Variants in MCTP2 observed in about 807,000 individuals in gnomAD.
MCTP2 encodes multiple C2 and transmembrane domain containing 2, also known as multiple C2 and transmembrane domain-containing protein 2.
A neutral mutation model predicts 111.6 loss-of-function variants in MCTP2; 132 were observed. The ratio of observed to expected loss-of-function variants is 1.18; its 90% CI spans 1.03 to 1.37. The LOEUF is 1.37. Among genes scored for constraint, MCTP2 ranks in the 40% most tolerant of loss-of-function variants. The pLI is 0.00. For missense variants in MCTP2, 1,183 were observed against 1,067.9 expected (o/e 1.11, Z -1.50); for synonymous variants, 395 against 387.7 (o/e 1.02, Z -0.22).
chr15:94,239,963 C>T (rs2070818549), intron 1 of MCTP2, among the ~76,000 whole-genome samples: 1 of 152,084 alleles, frequency 6.6e-6, no homozygotes, highest in South Asian at 2.1e-4. Flanking sequence ...TCCAAAGCCA[C>T]GTGTCAGTTT....
At chr15:94,243,881 A>G (rs897665590) in intron 1 of MCTP2, among the ~76,000 whole-genome samples, 1 of 145,682 alleles carries the variant, frequency 6.9e-6, no homozygotes, top group Admixed American at 6.8e-5. Context: ...GTATATATTT[A>G]TGTACACATA....
intron 17 of MCTP2, among the ~76,000 whole-genome samples, chr15:94,404,276 A>G (rs1206967621): frequency 1.3e-5 from 2 of 149,174 alleles, no homozygotes; most frequent in African/African-American, 2.5e-5. Flanking sequence ...TAATAAATGT[A>G]TTTCAGTTTC....
intron 8 of MCTP2, among the ~76,000 whole-genome samples, chr15:94,352,571 A>T (rs927939900): frequency 6.6e-6 from 1 of 152,204 alleles, no homozygotes; most frequent in Non-Finnish European, 1.5e-5. Flanking sequence ...CAGGGGCCCG[A>T]AACTTTTCAC....
chr15:94,359,851 G>A (rs544694727), intron 10 of MCTP2, among the ~76,000 whole-genome samples: 1 of 152,182 alleles, frequency 6.6e-6, no homozygotes, highest in East Asian at 1.9e-4. Context: ...TCTTGTCATT[G>A]CCTCATCCCA....
At chr15:94,390,799 G>A (rs1596557478) in intron 14 of MCTP2, among the ~76,000 whole-genome samples, 1 of 131,326 alleles carries the variant, frequency 7.6e-6, no homozygotes, top group South Asian at 2.4e-4. Flanking sequence ...GCTTGATCTT[G>A]GCTCACTGCA....
At chr15:94,266,074 G>C (rs1178138761) in intron 1 of MCTP2, among the ~76,000 whole-genome samples, 3 of 52,570 alleles carry the variant, frequency 5.7e-5, no homozygotes, top group Admixed American at 5.3e-4. Context: ...GTGCATGCGT[G>C]TGCGCGCACA....
chr15:94,278,145 G>A (rs1207536212), intron 1 of MCTP2: 1 of 152,068 alleles, frequency 6.6e-6, no homozygotes, highest in Admixed American at 6.6e-5. Flanking sequence ...CTTTTATTCG[G>A]AGGTACAGAT....
intron 4 of MCTP2, among the ~76,000 whole-genome samples, chr15:94,339,084 C>A (rs74028585): frequency 0.01 from 1,531 of 152,192 alleles, 35 homozygotes; most frequent in African/African-American, 0.035. Context: ...ACTCAAAGAG[C>A]CCATTTATAT....
intron 1 of MCTP2, among the ~76,000 whole-genome samples, chr15:94,272,094 C>G (rs1019337061): frequency 5.9e-5 from 9 of 152,132 alleles, no homozygotes; most frequent in Non-Finnish European, 1.0e-4. Context: ...TGGTTGTGTT[C>G]TAATGTAGGA....
intron 19 of MCTP2, 27 bp downstream of exon 19, chr15:94,442,987 AC>A: frequency 1.2e-6 from 2 of 1,601,410 alleles, no homozygotes; most frequent in African/African-American, 1.3e-5. Context: ...AAGAACACAC[AC>A]AAAAAAACAC....
chr15:94,461,618 T>C (rs940996486), intron 20 of MCTP2, among the ~76,000 whole-genome samples: 4 of 152,102 alleles, frequency 2.6e-5, no homozygotes, highest in Admixed American at 6.5e-5. Context: ...ACAGAGGAGA[T>C]ACTGAGATTA....
chr15:94,248,762 G>C (rs530601276), intron 1 of MCTP2, among the ~76,000 whole-genome samples: 1 of 152,080 alleles, frequency 6.6e-6, no homozygotes, highest in Non-Finnish European at 1.5e-5. Flanking sequence ...AAAACAGACA[G>C]TGAGGCTTTG....
intron 1 of MCTP2, among the ~76,000 whole-genome samples, chr15:94,260,809 A>G (rs2073137023): frequency 1.3e-5 from 2 of 152,180 alleles, no homozygotes; most frequent in African/African-American, 2.4e-5. Flanking sequence ...TTAACCTGAA[A>G]AAATGAGTTC....
chr15:94,329,300 T>A (rs1291181107), intron 4 of MCTP2, among the ~76,000 whole-genome samples: 1 of 152,216 alleles, frequency 6.6e-6, no homozygotes, highest in African/African-American at 2.4e-5. Context: ...AATTTTTTAT[T>A]ACATGTATTT....
At chr15:94,244,487 C>T (rs1047909879) in intron 1 of MCTP2, among the ~76,000 whole-genome samples, 18 of 142,292 alleles carry the variant, frequency 1.3e-4, no homozygotes, top group African/African-American at 2.7e-4. Context: ...TGTTTATATA[C>T]GTATATGTAT....
At chr15:94,375,508 A>T (rs1337551774) in intron 12 of MCTP2, among the ~76,000 whole-genome samples, 1 of 150,908 alleles carries the variant, frequency 6.6e-6, no homozygotes, top group East Asian at 1.9e-4. Context: ...CTTGCCTTCC[A>T]GAATTCTCCT....
intron 1 of MCTP2, among the ~76,000 whole-genome samples, chr15:94,244,822 A>ATATGCACC (rs1163781832): frequency 1.4e-5 from 2 of 146,800 alleles, no homozygotes; most frequent in Non-Finnish European, 3.0e-5. Flanking sequence ...ATGTATACAC[A>ATATGCACC]TATGCACCTA....
At chr15:94,247,203 C>T (rs1363620225) in intron 1 of MCTP2, among the ~76,000 whole-genome samples, 1 of 152,042 alleles carries the variant, frequency 6.6e-6, no homozygotes, top group African/African-American at 2.4e-5. Context: ...AGCTTTTTCT[C>T]CTTTGATTGA....
chr15:94,239,564 C>G (rs533979411), intron 1 of MCTP2, among the ~76,000 whole-genome samples: 18 of 152,350 alleles, frequency 1.2e-4, no homozygotes, highest in African/African-American at 4.1e-4. Context: ...CCTCCCCTGT[C>G]TTCCTTATCT....
Sources: allele counts gnomAD v4.1 joint callset (sites outside exome capture counted in the v4.1 genomes callset), GRCh38; gene constraint gnomAD v4.1.1; transcripts MANE v1.5; gene names NCBI Gene and HGNC (gene_info 2026-07-23, HGNC 2026-07-21).